Variants in IMPACT observed in about 807,000 individuals in gnomAD.
IMPACT encodes the protein protein IMPACT.
IMPACT carries 35 observed loss-of-function variants against 47.5 expected under a neutral mutation model. The observed-to-expected ratio is 0.74, with a 90% CI of 0.56 to 0.98. The LOEUF is 0.98. Among genes scored for constraint, IMPACT ranks in the 50% least tolerant of loss-of-function variants. The pLI is 0.00. For synonymous variants in IMPACT, 118 were observed against 125.6 expected, an observed-to-expected ratio of 0.94 and a Z score of 0.40; for missense variants, 373 against 394.8, an observed-to-expected ratio of 0.94 and a Z score of 0.47.
chr18:24,444,544 T>G (rs961416227), intron 7 of IMPACT, among the ~76,000 whole-genome samples: 2 of 152,236 alleles, frequency 1.3e-5, no homozygotes, highest in Non-Finnish European at 2.9e-5. Flanking sequence ...TTCCAATGTC[T>G]ACAAGGGAAG....
intron 4 of IMPACT, among the ~76,000 whole-genome samples, chr18:24,434,688 G>A (rs1171596619): frequency 6.6e-6 from 1 of 150,532 alleles, no homozygotes; most frequent in East Asian, 2.0e-4. Context: ...GCCTGAACCC[G>A]GGAGGCAGAG....
intron 4 of IMPACT, among the ~76,000 whole-genome samples, chr18:24,434,200 A>G (rs1908843083): frequency 6.6e-6 from 1 of 152,038 alleles, no homozygotes; most frequent in Admixed American, 6.5e-5. Context: ...AAACATAAAA[A>G]TTAACTGGGT....
intron 6 of IMPACT, among the ~76,000 whole-genome samples, chr18:24,442,405 G>T (rs975569782): frequency 6.6e-6 from 1 of 151,876 alleles, no homozygotes; most frequent in African/African-American, 2.4e-5. Context: ...CCACTCCCTC[G>T]GCCTCCCAAA....
intron 4 of IMPACT, among the ~76,000 whole-genome samples, chr18:24,432,704 C>T (rs1053845151): frequency 1.3e-5 from 2 of 151,930 alleles, no homozygotes; most frequent in Admixed American, 6.6e-5. Flanking sequence ...TCTGCCCCCC[C>T]GATCCCCCAG....
chr18:24,435,887 GATGC>G (rs1908920216), intron 4 of IMPACT, among the ~76,000 whole-genome samples: 2 of 151,842 alleles, frequency 1.3e-5, no homozygotes, highest in South Asian at 2.1e-4. Flanking sequence ...TGTCTTCTTT[GATGC>G]TGTGTTTCAA....
chr18:24,436,659 C>G (rs1260481417), intron 4 of IMPACT, among the ~76,000 whole-genome samples: 6 of 152,088 alleles, frequency 3.9e-5, no homozygotes, highest in Non-Finnish European at 8.8e-5. Flanking sequence ...AGCAATCCTC[C>G]CACCTCAGCT....
chr18:24,433,211 G>A (rs868226029), intron 4 of IMPACT, among the ~76,000 whole-genome samples: 1 of 3,114 alleles, frequency 3.2e-4, no homozygotes, highest in Non-Finnish European at 1.0e-3. Flanking sequence ...TTTTTTTTTT[G>A]AGACGGAGTC....
chr18:24,439,130 G>GC (rs1391789812), intron 5 of IMPACT, among the ~76,000 whole-genome samples: 1 of 152,128 alleles, frequency 6.6e-6, no homozygotes, highest in African/African-American at 2.4e-5. Context: ...ATTGGATGAG[G>GC]CCCATATGGA....
In IMPACT at chr18:24,446,535, T is replaced by G. The variant is rs1909253326; in HGVS notation, c.668+1069T>G. 3.3e-5 allele frequency among the ~76,000 whole-genome samples: 5 copies of G among 152,290 alleles called. No homozygotes were observed. In the South Asian group the frequency reaches 1.0e-3, roughly 32 times the overall value. ...TTGTAAGACTTTAAAAGTACATAGT[T>G]TAGGCCTAAAATAAATCAGAACACA... is the stretch of plus-strand genomic sequence containing the variant. On this transcript the variant is annotated intron_variant, in intron 8 of 10. Transcript: ENST00000284202.
At chr18:24,426,976 C>A in intron 1 of IMPACT, 184 bp downstream of exon 1, 1 of 422,076 alleles carries the variant, frequency 2.4e-6, no homozygotes, top group Non-Finnish European at 4.0e-6. Context: ...GCTCTTAGGC[C>A]GGCGGCTCCT....
At chr18:24,449,018 C>CT (rs1282595318) in intron 9 of IMPACT, among the ~76,000 whole-genome samples, 2 of 152,140 alleles carry the variant, frequency 1.3e-5, no homozygotes, top group African/African-American at 4.8e-5. Context: ...TGGGTCAGGC[C>CT]TGTAAACTGG....
intron 5 of IMPACT, among the ~76,000 whole-genome samples, chr18:24,438,703 G>A (rs376499167): frequency 1.1e-4 from 16 of 152,266 alleles, no homozygotes; most frequent in Admixed American, 7.2e-4. Context: ...CTAAGCTCAA[G>A]TGATCCTCCT....
At position 24,433,811 on chromosome 18, in the gene IMPACT, CA is replaced by C. The variant is rs200561788; in HGVS notation, c.281+3428del. On this transcript the variant is annotated intron_variant, in intron 4 of 10. Coordinates refer to ENST00000284202, the MANE Select transcript of IMPACT (RefSeq NM_018439.4). ...TCAGCCTCCTGAGTAGCTGGGATTA[CA>C]GGTGTGCACCACTACGCCTGGCTAA... 6.9e-3 allele frequency among the ~76,000 whole-genome samples: 1,050 copies of C among 151,826 alleles called. 17 individuals are homozygous for C. Among genetic ancestry groups the C allele is most frequent in the African/African-American group, 0.024 (976 of 41,374 alleles).
chr18:24,440,617 A>G lies in IMPACT; in HGVS notation c.489A>G (p.Thr163=). The change falls in exon 6 of 11, where the codon ACA becomes ACG. Residue 163 remains threonine (T), a splice_region_variant and synonymous_variant. Coordinates refer to ENST00000284202, the MANE Select transcript of IMPACT (RefSeq NM_018439.4). ...ALDFDISETR[T]EVEVEELPPI... Reference sequence around the variant, plus strand: ...ATTTTGATATCAGTGAAACTCGGACAGGTATAATGTTACTAACTAATTTCT... The same window carrying G: ...ATTTTGATATCAGTGAAACTCGGACGGGTATAATGTTACTAACTAATTTCT... 6.2e-7 allele frequency: 1 copy of G among 1,606,078 alleles called. No individual in the cohort carries two copies. Among genetic ancestry groups the G allele is most frequent in the Admixed American group, 1.7e-5 (1 of 57,752 alleles).
intron 4 of IMPACT, among the ~76,000 whole-genome samples, chr18:24,433,756 C>T (rs1273079886): frequency 6.6e-5 from 10 of 150,510 alleles, no homozygotes; most frequent in African/African-American, 1.5e-4. Flanking sequence ...CTGCAACCTC[C>T]GCCTCCCAGG....
At chr18:24,441,247 T>G (rs1209754304) in intron 6 of IMPACT, among the ~76,000 whole-genome samples, 5 of 152,174 alleles carry the variant, frequency 3.3e-5, no homozygotes, top group Admixed American at 3.3e-4. Flanking sequence ...CGGGCTGGAG[T>G]GCAGTGGCAC....
intron 6 of IMPACT, among the ~76,000 whole-genome samples, chr18:24,442,054 T>G (rs1428139548): frequency 2.0e-5 from 3 of 152,168 alleles, no homozygotes; most frequent in Admixed American, 6.5e-5. Context: ...ATAAACCTAC[T>G]TTCTTGTCTT....
At chr18:24,441,389 C>T (rs765366231) in intron 6 of IMPACT, among the ~76,000 whole-genome samples, 4 of 152,096 alleles carry the variant, frequency 2.6e-5, no homozygotes, top group Admixed American at 1.3e-4. Flanking sequence ...GATTGGGTTT[C>T]GCCATGTTGG....
rs1909159309 is a variant in IMPACT at position 24,443,086 on chromosome 18, C to T, written c.528C>T (p.Gly176=). The T allele has an allele frequency of 6.2e-7, 1 of 1,604,422 alleles. No individual in the cohort carries two copies. The highest frequency in any genetic ancestry group is 1.3e-5 in the African/African-American group (1 of 74,718). ...AAGAATTACCTCCGATTGATCATGGCATTCCTATTACAGACCGAAGAAGTA... is the reference window on the plus strand; with the variant it reads ...AAGAATTACCTCCGATTGATCATGGTATTCCTATTACAGACCGAAGAAGTA... The part of the protein sequence containing the change: ...EVEELPPIDH[G]IPITDRRSTF... Residue 176 remains glycine (G), a synonymous_variant, in exon 7 of 11, where the codon GGC becomes GGT. Coordinates refer to ENST00000284202, the MANE Select transcript of IMPACT (RefSeq NM_018439.4).
Sources: allele counts gnomAD v4.1 joint callset (sites outside exome capture counted in the v4.1 genomes callset), GRCh38; gene constraint gnomAD v4.1.1; transcripts MANE v1.5; gene names NCBI Gene and HGNC (gene_info 2026-07-23, HGNC 2026-07-21).